RBFA: variants seen among roughly 807,000 people sequenced by gnomAD.
RBFA encodes the protein putative ribosome-binding factor A, mitochondrial.
A neutral mutation model predicts 27.9 loss-of-function variants in RBFA; 16 were observed. The ratio of observed to expected loss-of-function variants is 0.57; its 90% CI spans 0.39 to 0.87. The LOEUF (loss-of-function observed/expected upper bound fraction) is 0.87. Among genes scored for constraint, RBFA ranks in the 40% least tolerant of loss-of-function variants. The pLI is 0.00. For synonymous variants in RBFA, 181 were observed against 181.0 expected, an observed-to-expected ratio of 1.00 and a Z score of 0.00; for missense variants, 456 against 432.1, an observed-to-expected ratio of 1.06 and a Z score of -0.49.
Position 80,045,946 on chromosome 18 carries a change from A to T in RBFA, c.823A>T (p.Met275Leu). The change falls in exon 7 of 7, where the codon ATG becomes TTG. Residue 275 changes from methionine to leucine, a missense_variant. Met to Leu is a conservative substitution (Grantham distance 15). Coordinates refer to ENST00000306735, the MANE Select transcript of RBFA (RefSeq NM_024805.3). ...QGQVAELTTQMKKGRKRAKPR... is the reference protein window; with the variant it reads ...QGQVAELTTQLKKGRKRAKPR... Reference sequence around the variant, plus strand: ...GCAGGTGGCTGAGCTGACAACGCAGATGAAAAAGGGAAGGAAGAGGGCCAA... The same window carrying T: ...GCAGGTGGCTGAGCTGACAACGCAGTTGAAAAAGGGAAGGAAGAGGGCCAA... 6.2e-7 allele frequency: 1 copy of T among 1,614,066 alleles called. No homozygotes were observed. The highest frequency in any genetic ancestry group is 8.5e-7 in the Non-Finnish European group (1 of 1,179,998).
At chr18:80,039,347 A>C (rs2052002062) in intron 4 of RBFA, among the ~76,000 whole-genome samples, 1 of 152,226 alleles carries the variant, frequency 6.6e-6, no homozygotes. Context: ...AAATTAAAAA[A>C]TCCGAGACAG....
At chr18:80,041,449 C>T (rs1213642650) in intron 4 of RBFA, 1 of 152,200 alleles carries the variant, frequency 6.6e-6, no homozygotes, top group Non-Finnish European at 1.5e-5. Flanking sequence ...TGTCTAATAT[C>T]TGGGAACCTG....
intron 6 of RBFA, among the ~76,000 whole-genome samples, chr18:80,045,227 G>A (rs1014881911): frequency 8.3e-5 from 9 of 108,174 alleles, no homozygotes; most frequent in Non-Finnish European, 1.1e-4. Flanking sequence ...AGTTGCAAAC[G>A]CTTTTTTTTT....
At position 80,034,667 on chromosome 18, in the gene RBFA, G is replaced by GGCGGTGTCCCTGGGC. The variant is rs1371451824; in HGVS notation, c.158+20_158+34dup. ...CTCGAAAACCAAGTAATGCGGCGGG[G>GGCGGTGTCCCTGGGC]GCGGTGTCCCTGGGCGCGGTATTCC... On this transcript the variant is annotated intron_variant, in intron 1 of 6. Coordinates refer to ENST00000306735, the MANE Select transcript of RBFA (RefSeq NM_024805.3). 2.5e-6 allele frequency: 4 copies of GGCGGTGTCCCTGGGC among 1,607,030 alleles called. No individual in the cohort carries two copies. Among genetic ancestry groups the GGCGGTGTCCCTGGGC allele is most frequent in the Middle Eastern group, 1.6e-4 (1 of 6,068 alleles).
intron 5 of RBFA, 23 bp downstream of exon 5, chr18:80,042,242 T>C (rs752780147): frequency 4.6e-6 from 7 of 1,515,078 alleles, no homozygotes; most frequent in African/African-American, 2.8e-5. Context: ...AAAAAACTTT[T>C]TAAAATTTAA....
chr18:80,049,889 C>T lies in RBFA; in HGVS notation c.*3734C>T, dbSNP rs973759380. Among the ~76,000 whole-genome samples the T allele has an allele frequency of 1.3e-5, 2 of 152,228 alleles. No individual in the cohort carries two copies. Among genetic ancestry groups the T allele is most frequent in the African/African-American group, 4.8e-5 (2 of 41,460 alleles). ...GTTTGAAGACACCTGGGCCTGGAGA[C>T]GGGCCAGAGCCACCTTGGTGGTCTG... On this transcript the variant is annotated 3_prime_UTR_variant, in exon 7 of 7. Coordinates refer to ENST00000306735, the MANE Select transcript of RBFA (RefSeq NM_024805.3).
chr18:80,039,083 G>C (rs1318518002), intron 4 of RBFA, among the ~76,000 whole-genome samples: 1 of 152,264 alleles, frequency 6.6e-6, no homozygotes, highest in Admixed American at 6.5e-5. Flanking sequence ...GGGATGCCGA[G>C]GCGGGAGGAT....
At chr18:80,045,384 G>A (rs947669312) in intron 6 of RBFA, among the ~76,000 whole-genome samples, 2 of 152,050 alleles carry the variant, frequency 1.3e-5, no homozygotes, top group Admixed American at 6.6e-5. Flanking sequence ...GCGCCACCAC[G>A]CCCAGCTAAT....
At chr18:80,045,708 T>C (rs775925846) in intron 6 of RBFA, 66 bp from the exon 7 acceptor site, 11 of 1,473,442 alleles carry the variant, frequency 7.5e-6, no homozygotes, top group Non-Finnish European at 9.9e-6. Context: ...TGTTGTGTTG[T>C]GGCGACGACA....
intron 5 of RBFA, 65 bp from the exon 6 acceptor site, chr18:80,044,147 A>C (rs770555390): frequency 3.7e-6 from 5 of 1,354,046 alleles, no homozygotes; most frequent in Non-Finnish European, 5.3e-6. Flanking sequence ...TGTTACGTGG[A>C]GCCCGGCTGT....
At chr18:80,039,277 C>T (rs984638061) in intron 4 of RBFA, among the ~76,000 whole-genome samples, 2 of 152,168 alleles carry the variant, frequency 1.3e-5, no homozygotes, top group South Asian at 2.1e-4. Context: ...GGCAGTGAGC[C>T]GTGTTAATGT....
rs144362774 is a variant in RBFA at position 80,045,831 on chromosome 18, G to A, written c.708G>A (p.Leu236=). The A allele has an allele frequency of 2.6e-6, 4 of 1,557,424 alleles. No individual in the cohort carries two copies. The African/African-American group carries it at 4.1e-5, about 16-fold the overall frequency. Residue 236 remains leucine (L), a synonymous_variant, in exon 7 of 7, where the codon CTG becomes CTA. Coordinates refer to ENST00000306735, the MANE Select transcript of RBFA (RefSeq NM_024805.3). ...CAGAGCCGACCACAAGCTCCAGTCTGTGTGGGATCGATCATGAGGCGCTCA... is the reference window on the plus strand; with the variant it reads ...CAGAGCCGACCACAAGCTCCAGTCTATGTGGGATCGATCATGAGGCGCTCA... The part of the protein sequence containing the change: ...GTTEPTTSSS[L]CGIDHEALNK...
Position 80,045,793 on chromosome 18 carries a change from C to G in RBFA, c.670C>G (p.Pro224Ala), listed in dbSNP as rs779294008. 29 of 1,517,920 alleles carry G rather than the reference C, an allele frequency of 1.9e-5. No individual in the cohort carries two copies. Among genetic ancestry groups the G allele is most frequent in the Non-Finnish European group, 2.4e-5 (27 of 1,134,058 alleles). The allele number at this position is 1,517,920 out of a possible 1,614,324, so 94.0% of individuals were successfully genotyped here. Reference protein sequence around the residue: ...NDFRDPDAPQPCGTTEPTTSS... With the variant: ...NDFRDPDAPQACGTTEPTTSS... ...TCCCAGGGACCCTGATGCCCCACAACCCTGCGGCACCACAGAGCCGACCAC... is the reference window on the plus strand; with the variant it reads ...TCCCAGGGACCCTGATGCCCCACAAGCCTGCGGCACCACAGAGCCGACCAC... The change falls in exon 7 of 7, where the codon CCC becomes GCC. Residue 224 changes from proline (P) to alanine (A), a missense_variant. Physicochemically the swap from Pro to Ala is conservative, Grantham distance 27. Coordinates refer to ENST00000306735, the MANE Select transcript of RBFA (RefSeq NM_024805.3).
rs2145151416 is a variant in RBFA at position 80,046,763 on chromosome 18, T to C, written c.*608T>C. On this transcript the variant is annotated 3_prime_UTR_variant, in exon 7 of 7. Coordinates refer to ENST00000306735, the MANE Select transcript of RBFA (RefSeq NM_024805.3). ...GTGAGTTGGGTTTGCTGGGGCTTCC[T>C]GGGCGACCCCGGCTCTGACCGTGGT... 1 of 153,358 alleles carries C rather than the reference T, an allele frequency of 6.5e-6. No individual in the cohort carries two copies. Among genetic ancestry groups the C allele is most frequent in the East Asian group, 1.9e-4 (1 of 5,178 alleles). 9.5% of individuals were successfully genotyped at this position (153,358 alleles called of 1,614,324 possible).
Position 80,042,161 on chromosome 18 carries a change from T to C in RBFA, c.518T>C (p.Leu173Pro). 1 of 1,611,296 alleles carries C rather than the reference T, an allele frequency of 6.2e-7. No homozygotes were observed. Among genetic ancestry groups the C allele is most frequent in the African/African-American group, 1.3e-5 (1 of 74,984 alleles). The change falls in exon 5 of 7, where the codon CTG (leucine) becomes CCG (proline). Residue 173 changes from leucine to proline, a missense_variant. Transcript: ENST00000306735. ...CACCTTTTGATGTCCCAGCAGACCC[T>C]GAGGAATGTGCCACCGATAGTGTTT... The part of the protein sequence containing the change: ...MRHLLMSQQT[L>P]RNVPPIVFVQ...
At chr18:80,043,621 G>C (rs571327488) in intron 5 of RBFA, among the ~76,000 whole-genome samples, 142 of 152,352 alleles carry the variant, frequency 9.3e-4, no homozygotes, top group African/African-American at 3.3e-3. Context: ...TGCATGCTAT[G>C]CTTGGAGCAG....
intron 4 of RBFA, chr18:80,041,319 C>T (rs904373710): frequency 8.5e-5 from 13 of 152,188 alleles, no homozygotes; most frequent in Admixed American, 7.9e-4. Context: ...TTAGGGTCAC[C>T]GTTTTCCATA....
rs2145150877 is a variant in RBFA, at chr18:80,046,180, A to G, written c.*25A>G. 6.2e-7 allele frequency: 1 copy of G among 1,603,760 alleles called. No homozygotes were observed. The highest frequency in any genetic ancestry group is 8.5e-7 in the Non-Finnish European group (1 of 1,173,302). ...GATGGAGAGGCTCTGCCCATCCCAC[A>G]TTTGCAGGGAAAAGCATTGGCACGC... On this transcript the variant is annotated 3_prime_UTR_variant, in exon 7 of 7. Coordinates refer to ENST00000306735, the MANE Select transcript of RBFA (RefSeq NM_024805.3).
At chr18:80,044,022 G>GT (rs1316729770) in intron 5 of RBFA, among the ~76,000 whole-genome samples, 190 bp from the exon 6 acceptor site, 1 of 152,224 alleles carries the variant, frequency 6.6e-6, no homozygotes, top group Non-Finnish European at 1.5e-5. Flanking sequence ...TTATGTTAAA[G>GT]TAACAGTAAG....
Sources: allele counts gnomAD v4.1 joint callset (sites outside exome capture counted in the v4.1 genomes callset), GRCh38; gene constraint gnomAD v4.1.1; transcripts MANE v1.5; gene names NCBI Gene and HGNC (gene_info 2026-07-23, HGNC 2026-07-21).